CD38: variants seen among roughly 807,000 people sequenced by gnomAD.
CD38 encodes ADP-ribosyl cyclase/cyclic ADP-ribose hydrolase 1.
Under a neutral mutation model 36.3 loss-of-function variants are expected in CD38, and 31 were observed. The ratio of observed to expected loss-of-function variants is 0.85; its 90% CI spans 0.64 to 1.15. The LOEUF is 1.15. CD38 is among the 50% of genes most tolerant of loss of function. The pLI, the probability that CD38 is intolerant of heterozygous loss-of-function variation, is 0.00. For missense variants in CD38, 380 were observed against 371.9 expected (o/e 1.02, Z -0.18); for synonymous variants, 131 against 135.2 (o/e 0.97, Z 0.22).
intron 1 of CD38, among the ~76,000 whole-genome samples, chr4:15,798,623 C>T (rs902493298): frequency 6.6e-6 from 1 of 152,166 alleles, no homozygotes; most frequent in African/African-American, 2.4e-5. Flanking sequence ...CTGGAGAGTA[C>T]GGAACCAACG....
intron 2 of CD38, among the ~76,000 whole-genome samples, chr4:15,816,969 C>G (rs902087966): frequency 6.6e-6 from 1 of 152,226 alleles, no homozygotes; most frequent in African/African-American, 2.4e-5. Flanking sequence ...AAACTTTCCC[C>G]TGACCTATGA....
At chr4:15,785,392 T>C (rs964377145) in intron 1 of CD38, among the ~76,000 whole-genome samples, 8 of 152,164 alleles carry the variant, frequency 5.3e-5, no homozygotes, top group African/African-American at 1.9e-4. Flanking sequence ...CCTATTTCTA[T>C]ACCTTTTGGC....
intron 4 of CD38, among the ~76,000 whole-genome samples, chr4:15,837,625 TTC>T (rs1309401541): frequency 6.6e-6 from 1 of 152,210 alleles, no homozygotes; most frequent in Non-Finnish European, 1.5e-5. Flanking sequence ...CAGTCCTCCT[TTC>T]TCTCTGTGCT....
At chr4:15,807,867 C>T (rs912471675) in intron 1 of CD38, among the ~76,000 whole-genome samples, 2 of 152,194 alleles carry the variant, frequency 1.3e-5, no homozygotes, top group African/African-American at 2.4e-5. Flanking sequence ...GCATGATTCC[C>T]TGGAAGATCA....
chr4:15,780,818 A>G (rs1010343678), intron 1 of CD38, among the ~76,000 whole-genome samples: 1 of 152,228 alleles, frequency 6.6e-6, no homozygotes, highest in African/African-American at 2.4e-5. Context: ...AGCTAAAAGA[A>G]GTGAGTTGGG....
chr4:15,780,858 C>T (rs1722681296), intron 1 of CD38, among the ~76,000 whole-genome samples: 1 of 152,144 alleles, frequency 6.6e-6, no homozygotes, highest in South Asian at 2.1e-4. Context: ...CCTGTAATCC[C>T]AGCACTTTGG....
rs1217750843 is a variant in CD38, at chr4:15,835,755, AC to A, written c.585+1456del. 2.0e-5 allele frequency among the ~76,000 whole-genome samples: 3 copies of A among 152,074 alleles called. No homozygotes were observed. The East Asian group carries it at 5.8e-4, about 29-fold the overall frequency. ...TCAAGCTCCTAACCTCAGGTGATCTACCCACCTTGGCCTCCCAAAGTTCTGG... is the reference window on the plus strand; with the variant it reads ...TCAAGCTCCTAACCTCAGGTGATCTACCACCTTGGCCTCCCAAAGTTCTGG... On this transcript the variant is annotated intron_variant, in intron 4 of 7. Coordinates refer to ENST00000226279, the MANE Select transcript of CD38 (RefSeq NM_001775.4).
At position 15,840,003 on chromosome 4, in the gene CD38, GTTCT is replaced by G. The variant is rs773922586; in HGVS notation, c.660-20_660-17del. ...CTTTCGTTTGGGGTTGATGTTTGGG[GTTCT>G]TTGTTTCTTCTATTTTAGCACTTTT... On this transcript the variant is annotated intron_variant, in intron 5 of 7. Coordinates refer to ENST00000226279, the MANE Select transcript of CD38 (RefSeq NM_001775.4). 8 of 1,563,024 alleles carry G rather than the reference GTTCT, an allele frequency of 5.1e-6. No homozygotes were observed. The highest frequency in any genetic ancestry group is 4.1e-5 in the African/African-American group (3 of 73,896).
chr4:15,807,199 G>C (rs974057182), intron 1 of CD38, among the ~76,000 whole-genome samples: 4 of 152,132 alleles, frequency 2.6e-5, no homozygotes, highest in African/African-American at 9.7e-5. Flanking sequence ...TGGGGGAAAG[G>C]TTCAAGGAGA....
In CD38 at chr4:15,815,114, G is replaced by A. The variant is rs985862807; in HGVS notation, c.234-1397G>A. On this transcript the variant is annotated intron_variant, in intron 1 of 7. Transcript: ENST00000226279. Reference sequence around the variant, plus strand: ...GCCACCGTGCCCGGCCAAGGTCTCCGTTCTCTTTCATTGGTCTATATATCT... The same window carrying A: ...GCCACCGTGCCCGGCCAAGGTCTCCATTCTCTTTCATTGGTCTATATATCT... 1.1e-4 allele frequency among the ~76,000 whole-genome samples: 16 copies of A among 151,702 alleles called. 1 individual carries two copies. Among genetic ancestry groups the A allele is most frequent in the Admixed American group, 2.6e-4 (4 of 15,228 alleles).
In CD38 at chr4:15,848,824, A is replaced by T; in HGVS notation, c.*222A>T. 2.5e-6 allele frequency: 1 copy of T among 392,520 alleles called. No homozygotes were observed. 24.3% of individuals were successfully genotyped at this position (392,520 alleles called of 1,614,324 possible). A position where few individuals can be genotyped will look rare whatever the true frequency, so the allele number is the denominator to read the frequency against. On this transcript the variant is annotated 3_prime_UTR_variant, in exon 8 of 8. Transcript: ENST00000226279. ...AATAGTCAAGAAAAATTATTGTATA[A>T]GATTAGAATGAAAATTGTATGTTAA...
intron 4 of CD38, among the ~76,000 whole-genome samples, chr4:15,836,737 C>G (rs1249875852): frequency 3.3e-5 from 5 of 152,154 alleles, no homozygotes; most frequent in Non-Finnish European, 7.4e-5. Flanking sequence ...GATCTTAACT[C>G]TAGGTTGGTA....
intron 1 of CD38, among the ~76,000 whole-genome samples, chr4:15,792,437 T>TAAAAAAAAAAAAAAAAAAAA (rs1723022369): frequency 7.4e-6 from 1 of 134,956 alleles, no homozygotes; most frequent in Non-Finnish European, 1.6e-5. Flanking sequence ...TAAAATAAAA[T>TAAAAAAAAAAAAAAAAAAAA]AAAAAAAAGG....
chr4:15,847,951 C>G (rs1405512325), intron 7 of CD38, among the ~76,000 whole-genome samples: 2 of 152,158 alleles, frequency 1.3e-5, no homozygotes, highest in Non-Finnish European at 2.9e-5. Flanking sequence ...GGTGACACAT[C>G]ACAAGGGCAG....
At chr4:15,788,189 C>T (rs1023966238) in intron 1 of CD38, among the ~76,000 whole-genome samples, 15 of 152,202 alleles carry the variant, frequency 9.9e-5, no homozygotes, top group African/African-American at 3.6e-4. Flanking sequence ...GCACCTGGCA[C>T]TCCTAGTACT....
chr4:15,791,992 G>T (rs1269092260), intron 1 of CD38, among the ~76,000 whole-genome samples: 6 of 67,980 alleles, frequency 8.8e-5, no homozygotes, highest in Non-Finnish European at 1.6e-4. Context: ...AGGCGGGAAG[G>T]GTGGGGAAAA....
intron 3 of CD38, 146 bp downstream of exon 3, chr4:15,825,162 G>A: frequency 1.4e-6 from 1 of 707,456 alleles, no homozygotes; most frequent in South Asian, 2.2e-5. Flanking sequence ...GTCCATTTGT[G>A]TTGCTATTAA....
intron 1 of CD38, among the ~76,000 whole-genome samples, chr4:15,794,440 T>C (rs1008339523): frequency 1.3e-5 from 2 of 152,140 alleles, no homozygotes; most frequent in Non-Finnish European, 2.9e-5. Flanking sequence ...GCTGGAGATA[T>C]AAATTTGGAA....
chr4:15,788,585 G>A (rs1319366736), intron 1 of CD38, among the ~76,000 whole-genome samples: 1 of 152,152 alleles, frequency 6.6e-6, no homozygotes, highest in African/African-American at 2.4e-5. Context: ...GTGCATCTGA[G>A]TGTTCTCTGC....
Sources: allele counts gnomAD v4.1 joint callset (sites outside exome capture counted in the v4.1 genomes callset), GRCh38; gene constraint gnomAD v4.1.1; transcripts MANE v1.5; gene names NCBI Gene and HGNC (gene_info 2026-07-23, HGNC 2026-07-21).